TIAM2: variants seen among roughly 807,000 people sequenced by gnomAD.
TIAM2 encodes the protein TIAM Rac1 associated GEF 2, also known as rho guanine nucleotide exchange factor TIAM2.
In TIAM2, 80 loss-of-function variants were observed where a neutral mutation model predicts 152.9. The observed-to-expected ratio is 0.52, with a 90% CI of 0.44 to 0.63. The LOEUF (loss-of-function observed/expected upper bound fraction) is 0.63. Among genes scored for constraint, TIAM2 ranks in the 30% least tolerant of loss-of-function variants. TIAM2 has a pLI of 0.00. For missense variants in TIAM2, 1,965 were observed against 2,120.1 expected, an observed-to-expected ratio of 0.93 and a Z score of 1.44; for synonymous variants, 804 against 838.0, an observed-to-expected ratio of 0.96 and a Z score of 0.70.
At chr6:155,170,822 ATT>A (rs1430248595) in intron 9 of TIAM2, among the ~76,000 whole-genome samples, 1 of 152,212 alleles carries the variant, frequency 6.6e-6, no homozygotes, top group Non-Finnish European at 1.5e-5. Context: ...TTAGCTAAGC[ATT>A]ACTTGTGATG....
In TIAM2 at chr6:155,068,602, GC is replaced by G. The variant is rs72285814; in HGVS notation, c.-208-21680del. Among the ~76,000 whole-genome samples, 4 of 143,376 alleles carry G rather than the reference GC, an allele frequency of 2.8e-5. No homozygotes were observed. In the East Asian group the frequency reaches 8.5e-4, roughly 30 times the overall value. 94.1% of individuals were successfully genotyped at this position (143,376 alleles called of 152,430 possible). The stretch of plus-strand genomic sequence containing the variant: ...GGAGTAGCTGGGATTACAGGCACCC[GC>G]CCCCCCATCACGTCTGGCTAATTTT... On this transcript the variant is annotated intron_variant, in intron 1 of 26. Coordinates refer to ENST00000682666, the MANE Select transcript of TIAM2 (RefSeq NM_012454.4).
intron 1 of TIAM2, among the ~76,000 whole-genome samples, chr6:155,004,134 C>T (rs12215939): frequency 0.13 from 19,995 of 152,102 alleles, 1,340 homozygotes; most frequent in Middle Eastern, 0.19. Context: ...CCTCGGCCTC[C>T]GAAAGTACTG....
At chr6:155,088,211 C>A (rs1330370582) in intron 1 of TIAM2, among the ~76,000 whole-genome samples, 1 of 151,978 alleles carries the variant, frequency 6.6e-6, no homozygotes, top group Non-Finnish European at 1.5e-5. Context: ...TGCGCCACCA[C>A]GCCCGGCTAA....
intron 1 of TIAM2, among the ~76,000 whole-genome samples, chr6:155,054,343 G>C (rs1045772583): frequency 6.6e-6 from 1 of 152,138 alleles, no homozygotes; most frequent in Non-Finnish European, 1.5e-5. Flanking sequence ...TCAGTAGGAT[G>C]ATGGCGTCCA....
rs996735115 is a variant in TIAM2, at chr6:155,107,680, C to T, written c.-118+17301C>T. 2.6e-5 allele frequency among the ~76,000 whole-genome samples: 4 copies of T among 152,122 alleles called. No homozygotes were observed. The South Asian group carries it at 6.2e-4, about 24-fold the overall frequency. On this transcript the variant is annotated intron_variant, in intron 2 of 26. Coordinates refer to ENST00000682666, the MANE Select transcript of TIAM2 (RefSeq NM_012454.4). ...CTTTTCAAACTTGTAATTTGACTTT[C>T]GCTGTTTAGTATCGTTTGTCTTTTT...
intron 15 of TIAM2, among the ~76,000 whole-genome samples, chr6:155,220,146 T>C (rs768364036): frequency 6.6e-5 from 10 of 152,220 alleles, no homozygotes; most frequent in Non-Finnish European, 1.0e-4. Flanking sequence ...GTTGGCATGG[T>C]CTGTGCTGTG....
At chr6:155,246,288 G>A (rs781354262) in intron 19 of TIAM2, among the ~76,000 whole-genome samples, 3 of 151,972 alleles carry the variant, frequency 2.0e-5, no homozygotes, top group Non-Finnish European at 2.9e-5. Flanking sequence ...TCATGTCCAC[G>A]GATGCAGCTC....
chr6:155,114,036 A>ATATTTT lies in TIAM2; in HGVS notation c.-117-13453_-117-13452insATTTTT. On this transcript the variant is annotated intron_variant, in intron 2 of 26. Transcript: ENST00000682666. ...ACTTTATATATATATATATATATAT[A>ATATTTT]TTTTTTTTTTTTTCTTTTTTTTTTT... 7.2e-4 allele frequency among the ~76,000 whole-genome samples: 25 copies of ATATTTT among 34,896 alleles called. 1 individual carries two copies. The highest frequency in any genetic ancestry group is 4.1e-3 in the South Asian group (3 of 730). 22.9% of individuals were successfully genotyped at this position (34,896 alleles called of 152,430 possible).
intron 1 of TIAM2, among the ~76,000 whole-genome samples, chr6:154,997,226 T>C (rs185351036): frequency 6.6e-6 from 1 of 152,246 alleles, no homozygotes; most frequent in African/African-American, 2.4e-5. Context: ...GCATTCTTAA[T>C]GTGTCAGTCA....
chr6:155,172,687 T>TATATATATATATATATATATA (rs1491511697), intron 9 of TIAM2, among the ~76,000 whole-genome samples: 1 of 13,616 alleles, frequency 7.3e-5, no homozygotes, highest in African/African-American at 3.2e-4. Flanking sequence ...TATATATATA[T>TATATATATATATATATATATA]TTTTTTTTTT....
chr6:155,120,537 C>T (rs1383155112), intron 2 of TIAM2, among the ~76,000 whole-genome samples: 1 of 152,154 alleles, frequency 6.6e-6, no homozygotes, highest in Non-Finnish European at 1.5e-5. Flanking sequence ...ATGAGAGAAA[C>T]AGATTCTGGC....
chr6:154,999,151 A>C (rs1188838503), intron 1 of TIAM2, among the ~76,000 whole-genome samples: 2 of 152,176 alleles, frequency 1.3e-5, no homozygotes, highest in Non-Finnish European at 1.5e-5. Context: ...CTTTATGGGA[A>C]AGATGGGCAT....
chr6:155,182,256 G>A lies in TIAM2; in HGVS notation c.2738G>A (p.Arg913His), dbSNP rs7770537. 1,434 of 1,614,178 alleles carry A rather than the reference G, an allele frequency of 8.9e-4. 16 individuals are homozygous for A. In the African/African-American group the frequency reaches 0.016, roughly 18 times the overall value. ...GFAVTAQVDE[R>H]QHLSRIFISD... ...GCAGTTACAGCGCAGGTGGATGAGC[G>A]TCAGCATCTCAGCCGGATATTTATA... Residue 913 changes from arginine (R) to histidine (H), a missense_variant, in exon 13 of 27, where the codon CGT becomes CAT. Arg to His is a conservative substitution (Grantham distance 29, BLOSUM62 0). Coordinates refer to ENST00000682666, the MANE Select transcript of TIAM2 (RefSeq NM_012454.4).
rs1319188500 is a variant in TIAM2, at chr6:155,213,871, G to A, written c.3168+2564G>A. 2.0e-5 allele frequency among the ~76,000 whole-genome samples: 3 copies of A among 152,234 alleles called. No individual in the cohort carries two copies. Among genetic ancestry groups the A allele is most frequent in the Non-Finnish European group, 4.4e-5 (3 of 68,048 alleles). On this transcript the variant is annotated intron_variant, in intron 15 of 26. Transcript: ENST00000682666. This position sits in a 1 kb window ranked among gnomAD's most constrained non-coding sequence, Gnocchi z 4.2. Reference sequence around the variant, plus strand: ...TGGGTTGCAGCAGTGCCTGGGCTTGGACTCAACTTTGCTCCAAGAGCAGAG... The same window carrying A: ...TGGGTTGCAGCAGTGCCTGGGCTTGAACTCAACTTTGCTCCAAGAGCAGAG...
Position 155,129,148 on chromosome 6 carries a change from T to G in TIAM2, c.-6-70T>G. The G allele has an allele frequency of 7.0e-7, 1 of 1,435,532 alleles. No homozygotes were observed. The highest frequency in any genetic ancestry group is 9.5e-7 in the Non-Finnish European group (1 of 1,048,560). 88.9% of individuals were successfully genotyped at this position (1,435,532 alleles called of 1,614,324 possible). A position where few individuals can be genotyped will look rare whatever the true frequency, so the allele number is the denominator to read the frequency against. The stretch of plus-strand genomic sequence containing the variant: ...CTGTGTAATATGCAGGGCATTCTTT[T>G]TAGAAAGTTCTGTCATAATGGAATG... On this transcript the variant is annotated intron_variant, in intron 3 of 26. Transcript: ENST00000682666. The surrounding 1 kb of genome is among the most constrained non-coding windows in gnomAD (Gnocchi z 4.8).
Position 155,165,251 on chromosome 6 carries a change from G to GT in TIAM2, c.2215-8dup. On this transcript the variant is annotated splice_polypyrimidine_tract_variant and intron_variant, in intron 8 of 26. Transcript: ENST00000682666. ...AGCCTTTAGATTTTTTTTAAACTGT[G>GT]TTTTACATTAGGTATGTTCTAGAGA... The GT allele has an allele frequency of 1.9e-6, 3 of 1,595,920 alleles. No homozygotes were observed. Among genetic ancestry groups the GT allele is most frequent in the Non-Finnish European group, 2.6e-6 (3 of 1,174,716 alleles).
chr6:155,202,987 C>T (rs371905285), intron 14 of TIAM2, among the ~76,000 whole-genome samples: 3 of 139,812 alleles, frequency 2.1e-5, no homozygotes, highest in East Asian at 2.1e-4. Context: ...AGGCGGAGGT[C>T]GCAGTGAGCT....
chr6:155,094,716 T>C (rs1778377996), intron 2 of TIAM2, among the ~76,000 whole-genome samples: 1 of 146,976 alleles, frequency 6.8e-6, no homozygotes, highest in African/African-American at 2.5e-5. Flanking sequence ...TACCTGGCTA[T>C]ATCTATGGTT....
intron 2 of TIAM2, among the ~76,000 whole-genome samples, chr6:155,113,926 A>C (rs998896380): frequency 6.7e-6 from 1 of 149,234 alleles, no homozygotes; most frequent in African/African-American, 2.5e-5. Context: ...GGGAAGCCTG[A>C]TGATGTAGCA....
Sources: gnomAD v4.1 joint callset for allele counts (sites outside exome capture counted in the v4.1 genomes callset) on GRCh38, gnomAD v4.1.1 for gene constraint, Gnocchi (gnomAD v3.1) non-coding constraint, MANE v1.5 for transcripts, NCBI Gene and HGNC (gene_info 2026-07-23, HGNC 2026-07-21) for gene names.